Variants in CDK19 observed in about 807,000 individuals in gnomAD.
CDK19 encodes cyclin dependent kinase 19, also known as cyclin-dependent kinase 19.
A neutral mutation model predicts 68.3 loss-of-function variants in CDK19; 20 were observed. The observed-to-expected ratio is 0.29, with a 90% CI of 0.21 to 0.43. The LOEUF is 0.43. Among genes scored for constraint, CDK19 ranks in the 20% least tolerant of loss-of-function variants. The pLI is 1.00. For missense variants in CDK19, 339 were observed against 623.5 expected, an observed-to-expected ratio of 0.54 and a Z score of 4.86; for synonymous variants, 221 against 222.8, an observed-to-expected ratio of 0.99 and a Z score of 0.07.
At chr6:110,769,564 CAAAAAAAAA>C (rs199964074) in intron 1 of CDK19, among the ~76,000 whole-genome samples, 2 of 117,932 alleles carry the variant, frequency 1.7e-5, no homozygotes, top group South Asian at 2.7e-4. Context: ...GATTCCATCT[CAAAAAAAAA>C]AAAAAATAAT....
At chr6:110,761,948 T>G (rs1779259305) in intron 1 of CDK19, among the ~76,000 whole-genome samples, 1 of 152,088 alleles carries the variant, frequency 6.6e-6, no homozygotes, top group African/African-American at 2.4e-5. Flanking sequence ...TTCTTAGGAT[T>G]CCTTTGATCT....
intron 4 of CDK19, among the ~76,000 whole-genome samples, chr6:110,656,798 A>C (rs2114318503): frequency 6.6e-6 from 1 of 152,364 alleles, no homozygotes. Context: ...TAAAAAGTTC[A>C]ATGTAAAACA....
intron 2 of CDK19, among the ~76,000 whole-genome samples, chr6:110,693,876 G>T (rs987178092): frequency 6.6e-6 from 1 of 152,010 alleles, no homozygotes; most frequent in African/African-American, 2.4e-5. Flanking sequence ...TGAGAAACCT[G>T]AATATTTATC....
chr6:110,692,275 AGAGT>A (rs1773063000), intron 2 of CDK19, among the ~76,000 whole-genome samples: 1 of 151,126 alleles, frequency 6.6e-6, no homozygotes, highest in African/African-American at 2.4e-5. Context: ...GCCTGGTGAC[AGAGT>A]GAGACTCCGT....
chr6:110,642,308 CAAAAAAAAAAAAA>C (rs56320713), intron 4 of CDK19, among the ~76,000 whole-genome samples: 1 of 96,326 alleles, frequency 1.0e-5, no homozygotes, highest in African/African-American at 3.7e-5. Context: ...GACTCTGTTT[CAAAAAAAAAAAAA>C]AAAAAAAAGG....
intron 1 of CDK19, among the ~76,000 whole-genome samples, chr6:110,795,841 TA>T (rs201661612): frequency 0.015 from 2,328 of 152,040 alleles, 53 homozygotes; most frequent in African/African-American, 0.053. Flanking sequence ...ATCAAGTTCT[TA>T]AAAAAAATTG....
chr6:110,680,650 T>C (rs1324749672), intron 2 of CDK19, among the ~76,000 whole-genome samples: 1 of 152,280 alleles, frequency 6.6e-6, no homozygotes. Flanking sequence ...CAAATATATA[T>C]ACTAAAATAT....
intron 2 of CDK19, among the ~76,000 whole-genome samples, chr6:110,674,163 C>T (rs144163405): frequency 1.3e-5 from 2 of 152,284 alleles, no homozygotes; most frequent in African/African-American, 4.8e-5. Flanking sequence ...ACAAATTGCA[C>T]CCACATAAGA....
At chr6:110,780,188 A>G (rs1406204479) in intron 1 of CDK19, among the ~76,000 whole-genome samples, 1 of 151,680 alleles carries the variant, frequency 6.6e-6, no homozygotes, top group Non-Finnish European at 1.5e-5. Flanking sequence ...ACTGCACTCC[A>G]GCCTGGGCGA....
intron 1 of CDK19, among the ~76,000 whole-genome samples, chr6:110,780,568 C>T (rs192555847): frequency 5.3e-5 from 8 of 152,070 alleles, no homozygotes; most frequent in Non-Finnish European, 7.4e-5. Flanking sequence ...ACAAACCAAG[C>T]TTCTGAGTGG....
At chr6:110,646,410 G>A (rs1464298977) in intron 4 of CDK19, 105 of 1,487,948 alleles carry the variant, frequency 7.1e-5, no homozygotes, top group Non-Finnish European at 9.2e-5. Context: ...CTGGCGGGCG[G>A]CGACATGGCC....
At chr6:110,664,712 G>A (rs1192190235) in intron 4 of CDK19, among the ~76,000 whole-genome samples, 1 of 152,082 alleles carries the variant, frequency 6.6e-6, no homozygotes, top group Admixed American at 6.6e-5. Context: ...CAGGCTACGA[G>A]ATGTTCTAAG....
rs181566687 is a variant in CDK19, at chr6:110,738,896, C to T, written c.204+7230G>A. On this transcript the variant is annotated intron_variant, in intron 2 of 12. Transcript: ENST00000368911. Reference sequence around the variant, plus strand: ...GAAGGAAAAGTGCTGCTCCACTCCACCCTGCCTGCTGGGCACTATGTGGAA... The same window carrying T: ...GAAGGAAAAGTGCTGCTCCACTCCATCCTGCCTGCTGGGCACTATGTGGAA... Among the ~76,000 whole-genome samples, 11 of 152,338 alleles carry T rather than the reference C, an allele frequency of 7.2e-5. No individual in the cohort carries two copies. The East Asian group carries it at 2.1e-3, about 29-fold the overall frequency.
chr6:110,615,309 T>C (rs1778242994), intron 12 of CDK19, among the ~76,000 whole-genome samples: 1 of 152,204 alleles, frequency 6.6e-6, no homozygotes, highest in Non-Finnish European at 1.5e-5. Flanking sequence ...TTCAATTCAA[T>C]GTATTTTTAT....
chr6:110,740,412 T>C (rs1041721588), intron 2 of CDK19, among the ~76,000 whole-genome samples: 3 of 152,232 alleles, frequency 2.0e-5, no homozygotes, highest in African/African-American at 4.8e-5. Context: ...TGTTGTGGCA[T>C]AATGTAAAGT....
chr6:110,675,672 C>A (rs1242051409), intron 2 of CDK19, among the ~76,000 whole-genome samples: 3 of 150,652 alleles, frequency 2.0e-5, no homozygotes, highest in Non-Finnish European at 4.4e-5. Flanking sequence ...ATCTACTCTA[C>A]CTGTGCTCCA....
intron 4 of CDK19, among the ~76,000 whole-genome samples, chr6:110,657,955 G>C (rs1311829021): frequency 6.6e-6 from 1 of 152,146 alleles, no homozygotes; most frequent in African/African-American, 2.4e-5. Flanking sequence ...GGACTCTGTT[G>C]AAAGCTCCAA....
At chr6:110,786,371 C>G (rs1039999244) in intron 1 of CDK19, among the ~76,000 whole-genome samples, 15 of 151,896 alleles carry the variant, frequency 9.9e-5, no homozygotes, top group African/African-American at 3.6e-4. Context: ...TTTTCCATAC[C>G]CCCAATTTCC....
At chr6:110,791,591 A>T (rs1017500461) in intron 1 of CDK19, among the ~76,000 whole-genome samples, 1 of 152,182 alleles carries the variant, frequency 6.6e-6, no homozygotes, top group Non-Finnish European at 1.5e-5. Context: ...GTAGAAAAAC[A>T]TACCACACCA....
Sources: gnomAD v4.1 joint callset for allele counts (sites outside exome capture counted in the v4.1 genomes callset) on GRCh38, gnomAD v4.1.1 for gene constraint, MANE v1.5 for transcripts, NCBI Gene and HGNC (gene_info 2026-07-23, HGNC 2026-07-21) for gene names.